Variants in BLM observed in about 807,000 individuals in gnomAD.
The protein encoded by BLM is BLM RecQ like helicase, also known as recQ-like DNA helicase BLM.
Under a neutral mutation model 135.3 loss-of-function variants are expected in BLM, and 95 were observed. That is an observed-to-expected ratio of 0.70 (90% CI 0.59 to 0.83). BLM has a LOEUF of 0.83. BLM is among the 40% of genes least tolerant of loss of function. BLM has a pLI of 0.00. For missense variants in BLM, 1,518 were observed against 1,663.9 expected, an observed-to-expected ratio of 0.91 and a Z score of 1.53; for synonymous variants, 520 against 589.2, an observed-to-expected ratio of 0.88 and a Z score of 1.70.
chr15:90,737,864 T>C (rs1313816098), intron 1 of BLM, among the ~76,000 whole-genome samples: 3 of 151,490 alleles, frequency 2.0e-5, no homozygotes, highest in Non-Finnish European at 2.9e-5. Flanking sequence ...AGTAGAGAAA[T>C]TGACAAAACA....
chr15:90,742,599 T>C (rs1474916180), intron 1 of BLM, among the ~76,000 whole-genome samples: 1 of 152,084 alleles, frequency 6.6e-6, no homozygotes, highest in Non-Finnish European at 1.5e-5. Flanking sequence ...TGTCTCTCTC[T>C]CTCTCTCTTT....
Position 90,791,178 on chromosome 15 carries a change from T to C in BLM, c.3019+334T>C, listed in dbSNP as rs375513840. Among the ~76,000 whole-genome samples the C allele has an allele frequency of 1.8e-4, 27 of 152,256 alleles. No individual in the cohort carries two copies. The South Asian group carries it at 2.7e-3, about 15-fold the overall frequency. On this transcript the variant is annotated intron_variant, in intron 15 of 21. Coordinates refer to ENST00000355112, the MANE Select transcript of BLM (RefSeq NM_000057.4). The stretch of plus-strand genomic sequence containing the variant: ...ATGCATTCTTGCATGTAACACATAT[T>C]TCAAACATGCAGGAAGATAAAAAGG...
chr15:90,789,050 T>G (rs868755067), intron 14 of BLM, among the ~76,000 whole-genome samples: 3,926 of 151,130 alleles, frequency 0.026, 182 homozygotes, highest in African/African-American at 0.09. Flanking sequence ...GAGATATATA[T>G]ATATATATAT....
chr15:90,813,062 G>T (rs1410032624), intron 21 of BLM, among the ~76,000 whole-genome samples: 1 of 152,104 alleles, frequency 6.6e-6, no homozygotes, highest in African/African-American at 2.4e-5. Flanking sequence ...GCCTGGGGAG[G>T]GCTTATCGGA....
intron 1 of BLM, among the ~76,000 whole-genome samples, chr15:90,734,512 T>C (rs1299798308): frequency 6.6e-6 from 1 of 152,096 alleles, no homozygotes. Context: ...GGTCTCAAAG[T>C]CCTGACCTCA....
At chr15:90,727,610 A>G (rs1349606009) in intron 1 of BLM, among the ~76,000 whole-genome samples, 1 of 152,140 alleles carries the variant, frequency 6.6e-6, no homozygotes, top group Non-Finnish European at 1.5e-5. Flanking sequence ...AAACCCCTAG[A>G]TTCAGAGTCT....
intron 17 of BLM, among the ~76,000 whole-genome samples, chr15:90,801,148 C>CA (rs761513801): frequency 2.8e-4 from 38 of 134,570 alleles, no homozygotes; most frequent in African/African-American, 4.7e-4. Flanking sequence ...GACTCCATCT[C>CA]AAAAAAAAAA....
At chr15:90,788,600 G>A (rs1478931873) in intron 14 of BLM, among the ~76,000 whole-genome samples, 2 of 150,974 alleles carry the variant, frequency 1.3e-5, no homozygotes, top group East Asian at 3.9e-4. Flanking sequence ...AATAATACAG[G>A]AACACTAGTT....
chr15:90,749,743 G>A lies in BLM; in HGVS notation c.475G>A (p.Asp159Asn). The change falls in exon 3 of 22, where the codon GAC becomes AAC. Residue 159 changes from aspartate (D) to asparagine (N), a missense_variant. Asp to Asn is a conservative substitution (Grantham distance 23, BLOSUM62 1). Coordinates refer to ENST00000355112, the MANE Select transcript of BLM (RefSeq NM_000057.4). The stretch of plus-strand genomic sequence containing the variant: ...CATCAATGATTGGGATGATATGGAT[G>A]ACTTTGATACTTCTGAGACTTCAAA... ...STINDWDDMDDFDTSETSKSF... is the reference protein window; with the variant it reads ...STINDWDDMDNFDTSETSKSF... 6.2e-7 allele frequency: 1 copy of A among 1,614,140 alleles called. No homozygotes were observed. The highest frequency in any genetic ancestry group is 8.5e-7 in the Non-Finnish European group (1 of 1,179,998).
rs2227935 is a variant in BLM, at chr15:90,782,869, C to G, written c.2603C>G (p.Pro868Arg). 6.2e-6 allele frequency: 10 copies of G among 1,613,398 alleles called. No individual in the cohort carries two copies. Among genetic ancestry groups the G allele is most frequent in the South Asian group, 1.1e-5 (1 of 91,054 alleles). Reference sequence around the variant, plus strand: ...CATAATCTGAAATACTATGTATTACCGAAAAAGCCTAAAAAGGTGGCATTT... The same window carrying G: ...CATAATCTGAAATACTATGTATTACGGAAAAAGCCTAAAAAGGTGGCATTT... ...NRHNLKYYVL[P>R]KKPKKVAFDC... The change falls in exon 13 of 22, where the codon CCG (proline) becomes CGG (arginine). Residue 868 changes from proline to arginine, a missense_variant. By Grantham distance (103) the Pro-to-Arg change is moderately radical. Transcript: ENST00000355112.
At chr15:90,758,114 A>C (rs923261402) in intron 5 of BLM, among the ~76,000 whole-genome samples, 1 of 151,918 alleles carries the variant, frequency 6.6e-6, no homozygotes, top group Admixed American at 6.5e-5. Context: ...TCCTGATCTC[A>C]GGTGATCCTC....
chr15:90,766,132 G>C (rs1197235028), intron 9 of BLM, among the ~76,000 whole-genome samples: 1 of 152,102 alleles, frequency 6.6e-6, no homozygotes, highest in African/African-American at 2.4e-5. Flanking sequence ...AAAAAGAACT[G>C]TTTTAAGAGT....
rs367543016 is a variant in BLM at position 90,769,233 on chromosome 15, T to G, written c.2406+2T>G. On this transcript the variant is annotated splice_donor_variant, in intron 11 of 21. Coordinates refer to ENST00000355112, the MANE Select transcript of BLM (RefSeq NM_000057.4). LOFTEE classifies it high-confidence loss of function. ...GATGAAGCACATTGTGTCAGTCAGG[T>G]AAATACTGTTTTTTATATCCGGAAA... 1 of 1,603,996 alleles carries G rather than the reference T, an allele frequency of 6.2e-7. No individual in the cohort carries two copies. Among genetic ancestry groups the G allele is most frequent in the African/African-American group, 1.3e-5 (1 of 74,818 alleles).
At chr15:90,743,260 T>C (rs2238334) in intron 1 of BLM, among the ~76,000 whole-genome samples, 25,144 of 152,076 alleles carry the variant, frequency 0.17, 2,146 homozygotes, top group East Asian at 0.24. Flanking sequence ...ATTATAGGCG[T>C]GAGCCACCGC....
chr15:90,749,233 G>C, intron 2 of BLM, 134 bp from the exon 3 acceptor site: 1 of 656,872 alleles, frequency 1.5e-6, no homozygotes, highest in Non-Finnish European at 2.6e-6. Context: ...TTAAAATCGA[G>C]AGAGATGGAT....
Position 90,743,547 on chromosome 15 carries a change from G to A in BLM, c.-4-3842G>A, listed in dbSNP as rs765329142. On this transcript the variant is annotated intron_variant, in intron 1 of 21. Transcript: ENST00000355112. ...ATTGTGGATGAACAATTTTTTTTAA[G>A]AGATGGGGTCTCACAGTGTTGCCCA... Among the ~76,000 whole-genome samples the A allele has an allele frequency of 2.6e-5, 4 of 151,106 alleles. No individual in the cohort carries two copies. The South Asian group carries it at 8.4e-4, about 32-fold the overall frequency.
chr15:90,797,541 G>T (rs1007855228), intron 16 of BLM, among the ~76,000 whole-genome samples: 3 of 151,602 alleles, frequency 2.0e-5, no homozygotes, highest in African/African-American at 7.3e-5. Context: ...CCAGAAACCT[G>T]TTCATCTCCA....
intron 1 of BLM, among the ~76,000 whole-genome samples, chr15:90,734,348 C>A (rs1895145579): frequency 6.6e-6 from 1 of 151,396 alleles, no homozygotes; most frequent in Non-Finnish European, 1.5e-5. Flanking sequence ...AGTACAGTAG[C>A]ATGACCTCAG....
intron 1 of BLM, among the ~76,000 whole-genome samples, chr15:90,718,008 TAGCTCTGTGTCTACTGCACGTTACTGAA>T (rs1393213349): frequency 6.6e-6 from 1 of 152,236 alleles, no homozygotes; most frequent in East Asian, 1.9e-4. Context: ...CCTTCACATT[TAGCTCTGTGTCTACTGCACGTTACTGAA>T]ACACTAAGTG....
Sources: allele counts gnomAD v4.1 joint callset (sites outside exome capture counted in the v4.1 genomes callset), GRCh38; gene constraint gnomAD v4.1.1; transcripts MANE v1.5; gene names NCBI Gene and HGNC (gene_info 2026-07-23, HGNC 2026-07-21).